Variants in STAU2 observed in about 807,000 individuals in gnomAD.
The protein encoded by STAU2 is staufen double-stranded RNA binding protein 2.
STAU2 carries 20 observed loss-of-function variants against 65.9 expected under a neutral mutation model. The observed-to-expected ratio is 0.30, with a 90% confidence interval of 0.21 to 0.44. The LOEUF (loss-of-function observed/expected upper bound fraction) is 0.44. Ranked by LOEUF, STAU2 falls within the 20% of genes least tolerant of loss-of-function variation. The pLI, the probability that STAU2 is intolerant of heterozygous loss-of-function variation, is 1.00. For synonymous variants in STAU2, 232 were observed against 233.9 expected, an observed-to-expected ratio of 0.99 and a Z score of 0.07; for missense variants, 558 against 683.9, an observed-to-expected ratio of 0.82 and a Z score of 2.05.
chr8:73,554,157 T>C (rs1416467306), intron 12 of STAU2, among the ~76,000 whole-genome samples: 4 of 152,176 alleles, frequency 2.6e-5, no homozygotes, highest in Non-Finnish European at 4.4e-5. Flanking sequence ...CTCAGTCCCA[T>C]CAGAGCTCTG....
intron 13 of STAU2, among the ~76,000 whole-genome samples, chr8:73,531,738 C>T (rs1413998373): frequency 6.6e-6 from 1 of 152,114 alleles, no homozygotes; most frequent in African/African-American, 2.4e-5. Flanking sequence ...AATCTTAGAA[C>T]ACTATATTAA....
At chr8:73,573,829 A>C (rs1809300330) in intron 12 of STAU2, among the ~76,000 whole-genome samples, 1 of 152,260 alleles carries the variant, frequency 6.6e-6, no homozygotes, top group African/African-American at 2.4e-5. Context: ...AATACCATTC[A>C]GGACATAGGC....
intron 12 of STAU2, among the ~76,000 whole-genome samples, chr8:73,563,145 G>A (rs574368946): frequency 6.6e-5 from 10 of 152,174 alleles, no homozygotes; most frequent in African/African-American, 2.4e-4. Flanking sequence ...TGTATCAAAG[G>A]CAGAGAGGGA....
chr8:73,737,722 T>C (rs987197016), intron 3 of STAU2, among the ~76,000 whole-genome samples: 2 of 151,984 alleles, frequency 1.3e-5, no homozygotes, highest in African/African-American at 4.8e-5. Context: ...TCTAACACTA[T>C]AGTTATGATA....
chr8:73,477,686 C>T (rs1820389982), intron 13 of STAU2, among the ~76,000 whole-genome samples: 1 of 152,140 alleles, frequency 6.6e-6, no homozygotes, highest in African/African-American at 2.4e-5. Context: ...GACAGAAGTT[C>T]TACAGAGGGA....
At chr8:73,512,038 AT>A (rs1268633020) in intron 13 of STAU2, among the ~76,000 whole-genome samples, 2 of 152,116 alleles carry the variant, frequency 1.3e-5, no homozygotes, top group African/African-American at 4.8e-5. Flanking sequence ...TTTCCTTGGC[AT>A]TTTTATTGAA....
chr8:73,723,196 C>T (rs1341608056), intron 3 of STAU2, among the ~76,000 whole-genome samples: 1 of 152,142 alleles, frequency 6.6e-6, no homozygotes, highest in Non-Finnish European at 1.5e-5. Flanking sequence ...CTAATGCTCA[C>T]ATCTCCCTAA....
chr8:73,525,393 T>C (rs796889730), intron 13 of STAU2, among the ~76,000 whole-genome samples: 4 of 152,346 alleles, frequency 2.6e-5, no homozygotes, highest in African/African-American at 9.6e-5. Flanking sequence ...ACAAAAATTT[T>C]CTGTCAGATG....
chr8:73,687,424 T>TATAA (rs2130514587), intron 5 of STAU2, among the ~76,000 whole-genome samples: 1 of 133,604 alleles, frequency 7.5e-6, no homozygotes, highest in South Asian at 2.1e-4. Context: ...AATTTAAATA[T>TATAA]AAATATATAT....
At chr8:73,521,942 T>A (rs1823065075) in intron 13 of STAU2, among the ~76,000 whole-genome samples, 1 of 152,250 alleles carries the variant, frequency 6.6e-6, no homozygotes, top group African/African-American at 2.4e-5. Flanking sequence ...TATGTTAAAC[T>A]TCATTGGCTA....
chr8:73,567,381 C>A lies in STAU2; in HGVS notation c.1223-15062G>T, dbSNP rs1368511815. ...AATTAGCCAGGTGTGGTGGCATATG[C>A]CTGTAATCCCAGCTACTCAGGAGGC... On this transcript the variant is annotated intron_variant, in intron 12 of 14. Transcript: ENST00000524300. Among the ~76,000 whole-genome samples the A allele has an allele frequency of 2.6e-5, 4 of 152,024 alleles. No individual in the cohort carries two copies. In the South Asian group the frequency reaches 8.3e-4, roughly 32 times the overall value.
chr8:73,732,686 G>A (rs1229002497), intron 3 of STAU2: 1 of 152,152 alleles, frequency 6.6e-6, no homozygotes, highest in African/African-American at 2.4e-5. Flanking sequence ...CAACTTTTAA[G>A]AGAAAAGAAT....
chr8:73,455,132 G>C lies in STAU2; in HGVS notation c.1531-32430C>G, dbSNP rs559864383. Among the ~76,000 whole-genome samples, 6 of 152,256 alleles carry C rather than the reference G, an allele frequency of 3.9e-5. No individual in the cohort carries two copies. In the East Asian group the frequency reaches 5.8e-4, roughly 15 times the overall value. On this transcript the variant is annotated intron_variant, in intron 13 of 14. Transcript: ENST00000524300. Reference sequence around the variant, plus strand: ...CCAAAAACATGCCTTGGTGCAGGCAGAAGGGCCATCTGGATCCCATCTCCT... The same window carrying C: ...CCAAAAACATGCCTTGGTGCAGGCACAAGGGCCATCTGGATCCCATCTCCT...
At chr8:73,504,843 C>T (rs368604699) in intron 13 of STAU2, among the ~76,000 whole-genome samples, 8 of 152,130 alleles carry the variant, frequency 5.3e-5, no homozygotes, top group African/African-American at 1.9e-4. Context: ...GTATTCACTA[C>T]AATGATTAAC....
chr8:73,554,160 G>C (rs1807550403), intron 12 of STAU2, among the ~76,000 whole-genome samples: 1 of 152,130 alleles, frequency 6.6e-6, no homozygotes. Flanking sequence ...AGTCCCATCA[G>C]AGCTCTGAGA....
chr8:73,460,154 T>A (rs1819276492), intron 13 of STAU2, among the ~76,000 whole-genome samples: 1 of 152,232 alleles, frequency 6.6e-6, no homozygotes, highest in Non-Finnish European at 1.5e-5. Flanking sequence ...TAGCCTGAGG[T>A]ACCTGACAAG....
At chr8:73,563,954 AAGAAGTTGC>A (rs1439731495) in intron 12 of STAU2, among the ~76,000 whole-genome samples, 1 of 152,204 alleles carries the variant, frequency 6.6e-6, no homozygotes, top group East Asian at 1.9e-4. Flanking sequence ...GAATCCAGTT[AAGAAGTTGC>A]AGTATCCCAG....
In STAU2 at chr8:73,662,631, T is replaced by TG. The variant is rs61452452; in HGVS notation, c.410+10475_410+10476insC. 3.3e-5 allele frequency among the ~76,000 whole-genome samples: 5 copies of TG among 151,994 alleles called. No individual in the cohort carries two copies. The East Asian group carries it at 9.7e-4, about 29-fold the overall frequency. ...TTGTTGTTGTTGTTGTTGTTGTTGT[T>TG]TTTGAGACAGAGTTTCACTCCTGTT... is the stretch of plus-strand genomic sequence containing the variant. On this transcript the variant is annotated intron_variant, in intron 6 of 14. Transcript: ENST00000524300.
At chr8:73,551,767 A>T (rs1391955080) in intron 13 of STAU2, 1 of 1,160,646 alleles carries the variant, frequency 8.6e-7, no homozygotes, top group Admixed American at 4.3e-5. Context: ...AAAAATGCTT[A>T]AAAAAGAAGA....
Sources: allele counts gnomAD v4.1 joint callset (sites outside exome capture counted in the v4.1 genomes callset), GRCh38; gene constraint gnomAD v4.1.1; transcripts MANE v1.5; gene names NCBI Gene and HGNC (gene_info 2026-07-23, HGNC 2026-07-21).